The following IQCJ variants were observed in gnomAD, a reference collection of about 807,000 sequenced individuals.
IQCJ encodes the protein IQ motif containing J, also known as IQ domain-containing protein J.
IQCJ carries 9 observed loss-of-function variants against 11.0 expected under a neutral mutation model. The observed-to-expected ratio is 0.82, with a 90% CI of 0.49 to 1.43. IQCJ has a LOEUF of 1.43. Ranked by LOEUF, IQCJ falls within the 40% of genes most tolerant of loss-of-function variation. IQCJ has a pLI of 0.00. For missense variants in IQCJ, 146 were observed against 133.2 expected (o/e 1.10, Z -0.47); for synonymous variants, 55 against 51.3 (o/e 1.07, Z -0.31).
chr3:159,091,691 C>A (rs1717321615), intron 1 of IQCJ, among the ~76,000 whole-genome samples: 1 of 150,278 alleles, frequency 6.7e-6, no homozygotes, highest in South Asian at 2.1e-4. Context: ...CACACACACA[C>A]ACACACACAC....
chr3:159,141,156 A>AG (rs5853854), intron 1 of IQCJ, among the ~76,000 whole-genome samples: 103,120 of 152,048 alleles, frequency 0.68, 35,088 homozygotes, highest in East Asian at 0.71. Context: ...GGCTTCCTTG[A>AG]GAAATTGTAT....
chr3:159,203,592 T>A (rs879944603), intron 1 of IQCJ, among the ~76,000 whole-genome samples: 1 of 151,958 alleles, frequency 6.6e-6, no homozygotes, highest in Non-Finnish European at 1.5e-5. Flanking sequence ...CACAAGGCAC[T>A]GTTAAGTGTG....
intron 1 of IQCJ, among the ~76,000 whole-genome samples, chr3:159,147,560 G>A (rs1720988137): frequency 1.3e-5 from 2 of 152,192 alleles, no homozygotes; most frequent in South Asian, 4.1e-4. Flanking sequence ...CCTGCGAACT[G>A]ATTGTGACCT....
intron 1 of IQCJ, among the ~76,000 whole-genome samples, chr3:159,213,057 C>T (rs1725038962): frequency 6.6e-6 from 1 of 151,994 alleles, no homozygotes; most frequent in Non-Finnish European, 1.5e-5. Flanking sequence ...GGTAGATCTC[C>T]ACACTGCTGC....
At chr3:159,103,156 C>T (rs1305308099) in intron 1 of IQCJ, among the ~76,000 whole-genome samples, 2 of 152,148 alleles carry the variant, frequency 1.3e-5, no homozygotes, top group Non-Finnish European at 2.9e-5. Context: ...CTTTCATTCA[C>T]AAAGATTTCA....
At chr3:159,175,962 G>T (rs1328032357) in intron 1 of IQCJ, among the ~76,000 whole-genome samples, 1 of 152,116 alleles carries the variant, frequency 6.6e-6, no homozygotes, top group Non-Finnish European at 1.5e-5. Context: ...CCACATCTTT[G>T]TTGACACTTG....
intron 1 of IQCJ, among the ~76,000 whole-genome samples, chr3:159,101,143 C>A (rs1048123798): frequency 1.4e-5 from 2 of 144,038 alleles, no homozygotes; most frequent in African/African-American, 2.6e-5. Context: ...CAGGTGCGTC[C>A]GTCACCCCTT....
intron 1 of IQCJ, among the ~76,000 whole-genome samples, chr3:159,221,000 G>T (rs1725503809): frequency 6.6e-6 from 1 of 152,122 alleles, no homozygotes; most frequent in Non-Finnish European, 1.5e-5. Flanking sequence ...GAATATATGT[G>T]CCATGGAGAG....
At chr3:159,252,907 T>C (rs1208278607) in intron 3 of IQCJ, 100 bp downstream of exon 3, 2 of 1,169,452 alleles carry the variant, frequency 1.7e-6, no homozygotes, top group Non-Finnish European at 2.4e-6. Context: ...CATCTTTATT[T>C]TACATTCATG....
intron 1 of IQCJ, among the ~76,000 whole-genome samples, chr3:159,151,572 G>A (rs1434132003): frequency 2.6e-5 from 4 of 152,280 alleles, no homozygotes; most frequent in African/African-American, 9.6e-5. Context: ...TTACTTACCT[G>A]CACTGGTCTC....
chr3:159,171,208 A>G (rs1444520487), intron 1 of IQCJ, among the ~76,000 whole-genome samples: 1 of 152,054 alleles, frequency 6.6e-6, no homozygotes, highest in Non-Finnish European at 1.5e-5. Context: ...GAAATTAGCC[A>G]ACATCTCTCT....
At chr3:159,189,065 T>C (rs16830000) in intron 1 of IQCJ, among the ~76,000 whole-genome samples, 2,788 of 152,198 alleles carry the variant, frequency 0.018, 80 homozygotes, top group African/African-American at 0.065. Context: ...ATTCATACTA[T>C]AGATGCAAGC....
At chr3:159,255,224 G>A (rs762971795) in intron 3 of IQCJ, among the ~76,000 whole-genome samples, 8 of 152,008 alleles carry the variant, frequency 5.3e-5, no homozygotes, top group Non-Finnish European at 7.4e-5. Context: ...GGGAAGTGAG[G>A]GTCAGTCCAC....
At chr3:159,188,082 T>C (rs1723476179) in intron 1 of IQCJ, among the ~76,000 whole-genome samples, 2 of 152,180 alleles carry the variant, frequency 1.3e-5, no homozygotes, top group South Asian at 2.1e-4. Flanking sequence ...GCCACCATCA[T>C]TGGTGCTCTC....
chr3:159,124,288 G>A (rs1014079089), intron 1 of IQCJ, among the ~76,000 whole-genome samples: 1 of 152,144 alleles, frequency 6.6e-6, no homozygotes, highest in East Asian at 1.9e-4. Context: ...GACCTCATCC[G>A]ACGCAGATCC....
chr3:159,157,149 AGAG>A (rs373936480), intron 1 of IQCJ, among the ~76,000 whole-genome samples: 14 of 152,178 alleles, frequency 9.2e-5, no homozygotes, highest in African/African-American at 2.7e-4. Flanking sequence ...ATAGTTGTGG[AGAG>A]GAGGAGGAGA....
chr3:159,077,345 A>G (rs1021010900), intron 1 of IQCJ, among the ~76,000 whole-genome samples: 2 of 152,160 alleles, frequency 1.3e-5, no homozygotes, highest in Non-Finnish European at 2.9e-5. Flanking sequence ...TATCAATTTT[A>G]CTTATAAGAA....
At position 159,160,801 on chromosome 3, in the gene IQCJ, C is replaced by T. The variant is rs568249637; in HGVS notation, c.10-85042C>T. Among the ~76,000 whole-genome samples the T allele has an allele frequency of 8.8e-3, 1,322 of 150,228 alleles. 9 individuals are homozygous for T. The highest frequency in any genetic ancestry group is 0.012 in the Non-Finnish European group (839 of 67,772). ...TGCGGTGTTTGGTTTTTTGTTCTTG[C>T]GATAGTTTACTGAGAATGATGATTT... On this transcript the variant is annotated intron_variant, in intron 1 of 3. Transcript: ENST00000397832.
intron 1 of IQCJ, among the ~76,000 whole-genome samples, chr3:159,140,309 A>C (rs1385215936): frequency 6.6e-6 from 1 of 152,102 alleles, no homozygotes; most frequent in Non-Finnish European, 1.5e-5. Context: ...AGGCCTTCTG[A>C]CTCCAAATCT....
Sources: gnomAD v4.1 joint callset for allele counts (sites outside exome capture counted in the v4.1 genomes callset) on GRCh38, gnomAD v4.1.1 for gene constraint, MANE v1.5 for transcripts, NCBI Gene and HGNC (gene_info 2026-07-23, HGNC 2026-07-21) for gene names.